The following SBSPON variants were observed in gnomAD, a reference collection of about 807,000 sequenced individuals.
SBSPON encodes somatomedin-B and thrombospondin type-1 domain-containing protein.
Under a neutral mutation model 35.8 loss-of-function variants are expected in SBSPON, and 30 were observed. The ratio of observed to expected loss-of-function variants is 0.84; its 90% CI spans 0.63 to 1.14. SBSPON has a LOEUF of 1.14. SBSPON is among the 50% of genes most tolerant of loss of function. The pLI is 0.00. For synonymous variants in SBSPON, 136 were observed against 135.9 expected, an observed-to-expected ratio of 1.00 and a Z score of 0.00; for missense variants, 364 against 357.7, an observed-to-expected ratio of 1.02 and a Z score of -0.14.
chr8:73,068,324 A>G lies in SBSPON; in HGVS notation c.678-866T>C, dbSNP rs145910461. The stretch of plus-strand genomic sequence containing the variant: ...CTTTATTGTTCTTATGGTGTGCTCA[A>G]TGGAGGCCATGAGGCACTAGTGACT... On this transcript the variant is annotated intron_variant, in intron 4 of 4. Coordinates refer to ENST00000297354, the MANE Select transcript of SBSPON (RefSeq NM_153225.4). Among the ~76,000 whole-genome samples the G allele has an allele frequency of 9.2e-3, 1,398 of 152,310 alleles. 11 individuals carry two copies. The highest frequency in any genetic ancestry group is 0.014 in the Non-Finnish European group (967 of 68,026).
At chr8:73,068,755 T>C (rs924287575) in intron 4 of SBSPON, among the ~76,000 whole-genome samples, 5 of 152,230 alleles carry the variant, frequency 3.3e-5, no homozygotes, top group African/African-American at 1.2e-4. Flanking sequence ...TCATCGTGGG[T>C]ATGAATTACC....
intron 2 of SBSPON, among the ~76,000 whole-genome samples, chr8:73,072,201 G>C (rs1298809211): frequency 6.9e-6 from 1 of 145,962 alleles, no homozygotes; most frequent in African/African-American, 2.4e-5. Context: ...TGAGATAATA[G>C]AGAGCATGAA....
At chr8:73,080,577 C>T (rs544401273) in intron 2 of SBSPON, among the ~76,000 whole-genome samples, 4 of 152,228 alleles carry the variant, frequency 2.6e-5, no homozygotes, top group Non-Finnish European at 5.9e-5. Flanking sequence ...GATTTTTCCA[C>T]GATTTTTCCA....
chr8:73,084,651 G>T (rs1263508655), intron 1 of SBSPON, among the ~76,000 whole-genome samples: 1 of 151,844 alleles, frequency 6.6e-6, no homozygotes, highest in Non-Finnish European at 1.5e-5. Context: ...GGCATGGCTG[G>T]GTCCCACTCA....
rs1810381111 is a variant in SBSPON, at chr8:73,065,973, G to T, written c.*1368C>A. On this transcript the variant is annotated 3_prime_UTR_variant, in exon 5 of 5. Transcript: ENST00000297354. Reference sequence around the variant, plus strand: ...ACAAAAACAACTTTGACAATTAAATGAAAATACAGTAAAAAATATTGCTAC... The same window carrying T: ...ACAAAAACAACTTTGACAATTAAATTAAAATACAGTAAAAAATATTGCTAC... 1 of 151,816 alleles carries T rather than the reference G, an allele frequency of 6.6e-6. No homozygotes were observed. Among genetic ancestry groups the T allele is most frequent in the African/African-American group, 2.4e-5 (1 of 41,340 alleles). The allele number at this position is 151,816 out of a possible 1,614,324, so 9.4% of individuals were successfully genotyped here. A position where few individuals can be genotyped will look rare whatever the true frequency, so the allele number is the denominator to read the frequency against.
At chr8:73,073,158 G>T (rs1489643239) in intron 2 of SBSPON, among the ~76,000 whole-genome samples, 1 of 152,204 alleles carries the variant, frequency 6.6e-6, no homozygotes, top group Non-Finnish European at 1.5e-5. Context: ...AGGAATAAAT[G>T]GGCCAGTGAG....
At chr8:73,084,749 GACACACACACACACACACACACAC>G (rs57178636) in intron 1 of SBSPON, among the ~76,000 whole-genome samples, 7 of 134,356 alleles carry the variant, frequency 5.2e-5, no homozygotes, top group Non-Finnish European at 8.1e-5. Flanking sequence ...CCACTACACA[GACACACACACACACACACACACAC>G]ACACACACAC....
intron 2 of SBSPON, chr8:73,074,619 G>A (rs920228394): frequency 2.1e-6 from 2 of 968,360 alleles, no homozygotes; most frequent in African/African-American, 3.5e-5. Context: ...TTCCAGTACT[G>A]TTTGCAGCAT....
intron 3 of SBSPON, 74 bp from the exon 4 acceptor site, chr8:73,070,055 C>A: frequency 1.1e-6 from 1 of 933,094 alleles, no homozygotes; most frequent in African/African-American, 1.7e-5. Flanking sequence ...TCTTAGAAAG[C>A]CTGTCACCTC....
At chr8:73,084,753 CA>C in intron 1 of SBSPON, among the ~76,000 whole-genome samples, 1 of 33,908 alleles carries the variant, frequency 2.9e-5, no homozygotes, top group Admixed American at 2.3e-4. Flanking sequence ...TACACAGACA[CA>C]CACACACACA....
At chr8:73,088,242 A>G (rs1344501805) in intron 1 of SBSPON, among the ~76,000 whole-genome samples, 2 of 152,264 alleles carry the variant, frequency 1.3e-5, no homozygotes, top group Non-Finnish European at 2.9e-5. Context: ...CAATAATAAT[A>G]ATGCATTTAT....
chr8:73,080,153 T>A (rs116785928), intron 2 of SBSPON, among the ~76,000 whole-genome samples: 21 of 152,270 alleles, frequency 1.4e-4, no homozygotes, highest in African/African-American at 4.8e-4. Context: ...ACCAGAGTGA[T>A]CTTTTCAAAT....
At chr8:73,091,800 C>T (rs1170889657) in intron 1 of SBSPON, among the ~76,000 whole-genome samples, 1 of 152,206 alleles carries the variant, frequency 6.6e-6, no homozygotes, top group African/African-American at 2.4e-5. Flanking sequence ...CTTTCAGCAT[C>T]GGGCCTGGCC....
In SBSPON at chr8:73,081,033, C is replaced by A. The variant is rs1014633918; in HGVS notation, c.395G>T (p.Cys132Phe). The change falls in exon 2 of 5, where the codon TGC becomes TTC. Residue 132 changes from cysteine to phenylalanine, a missense_variant. Physicochemically the swap from Cys to Phe is radical, Grantham distance 205. Coordinates refer to ENST00000297354, the MANE Select transcript of SBSPON (RefSeq NM_153225.4). ...LEYSTPQGQD[C>F]GHTYVPAFIT... ...AACATCAGTACCATAGGTGTGCCCGCAGTCCTGGCCCTGCGGGGTGGAGTA... is the reference window on the plus strand; with the variant it reads ...AACATCAGTACCATAGGTGTGCCCGAAGTCCTGGCCCTGCGGGGTGGAGTA... 3.1e-6 allele frequency: 5 copies of A among 1,600,692 alleles called. No homozygotes were observed. In the African/African-American group the frequency reaches 4.0e-5, roughly 13 times the overall value.
chr8:73,071,777 T>C lies in SBSPON; in HGVS notation c.500+3A>G. The C allele has an allele frequency of 1.3e-6, 2 of 1,558,820 alleles. No homozygotes were observed. Among genetic ancestry groups the C allele is most frequent in the Non-Finnish European group, 1.8e-6 (2 of 1,140,224 alleles). ...TTAAAAAAAAAAAAAAACACGAAATTACCCAGCATCCTCTGTGTGTGTAGA... is the reference window on the plus strand; with the variant it reads ...TTAAAAAAAAAAAAAAACACGAAATCACCCAGCATCCTCTGTGTGTGTAGA... On this transcript the variant is annotated splice_donor_region_variant and intron_variant, in intron 3 of 4. Coordinates refer to ENST00000297354, the MANE Select transcript of SBSPON (RefSeq NM_153225.4).
At chr8:73,071,461 T>C (rs1019016373) in intron 3 of SBSPON, among the ~76,000 whole-genome samples, 3 of 152,204 alleles carry the variant, frequency 2.0e-5, no homozygotes, top group Non-Finnish European at 4.4e-5. Context: ...GAGGTGGTGC[T>C]GAAGTCTAAC....
chr8:73,072,224 T>A (rs1810505867), intron 2 of SBSPON, among the ~76,000 whole-genome samples: 2 of 142,198 alleles, frequency 1.4e-5, no homozygotes, highest in Non-Finnish European at 1.5e-5. Flanking sequence ...GAAGAGGAGG[T>A]TTCAAAAATG....
At chr8:73,070,818 A>G (rs1294222782) in intron 3 of SBSPON, among the ~76,000 whole-genome samples, 1 of 152,192 alleles carries the variant, frequency 6.6e-6, no homozygotes, top group Admixed American at 6.5e-5. Context: ...TCCATGGGCT[A>G]ATTTCTTACC....
intron 2 of SBSPON, among the ~76,000 whole-genome samples, chr8:73,079,191 A>G (rs974331943): frequency 5.9e-5 from 9 of 152,104 alleles, no homozygotes; most frequent in Non-Finnish European, 5.9e-5. Context: ...TTGGCCACTG[A>G]TAGGCCTTGT....
Sources: gnomAD v4.1 joint callset for allele counts (sites outside exome capture counted in the v4.1 genomes callset) on GRCh38, gnomAD v4.1.1 for gene constraint, MANE v1.5 for transcripts, NCBI Gene and HGNC (gene_info 2026-07-23, HGNC 2026-07-21) for gene names.